TRPC4: variants seen among roughly 807,000 people sequenced by gnomAD.
The protein encoded by TRPC4 is transient receptor potential cation channel subfamily C member 4.
TRPC4 carries 49 observed loss-of-function variants against 99.4 expected under a neutral mutation model. The ratio of observed to expected loss-of-function variants is 0.49; its 90% CI spans 0.39 to 0.63. The LOEUF (loss-of-function observed/expected upper bound fraction) is 0.63. Among genes scored for constraint, TRPC4 ranks in the 20% least tolerant of loss-of-function variants. The probability of loss-of-function intolerance (pLI) is 0.00; values close to 1 mark genes in which losing one functional copy is unlikely to be tolerated. For missense variants in TRPC4, 898 were observed against 1,152.9 expected, an observed-to-expected ratio of 0.78 and a Z score of 3.20; for synonymous variants, 454 against 425.9, an observed-to-expected ratio of 1.07 and a Z score of -0.81.
At chr13:37,854,019 G>A (rs1472014366) in intron 1 of TRPC4, among the ~76,000 whole-genome samples, 1 of 151,980 alleles carries the variant, frequency 6.6e-6, no homozygotes, top group African/African-American at 2.4e-5. Context: ...ATATTCAAAG[G>A]GGTAATATCC....
rs1006673366 is a variant in TRPC4 at position 37,783,241 on chromosome 13, T to C, written c.93A>G (p.Pro31=). 1.9e-6 allele frequency: 3 copies of C among 1,613,596 alleles called. No individual in the cohort carries two copies. The highest frequency in any genetic ancestry group is 2.5e-6 in the Non-Finnish European group (3 of 1,179,782). Residue 31 remains proline, a synonymous_variant, in exon 2 of 11, where the codon CCA becomes CCG. Transcript: ENST00000379705. Reference sequence around the variant, plus strand: ...CAGCATTCAAGTAGGCTTTTTCTGATGGCGAGAGTTCTGATTCTGCTCTTA... The same window carrying C: ...CAGCATTCAAGTAGGCTTTTTCTGACGGCGAGAGTTCTGATTCTGCTCTTA... ...RIVRAESELS[P]SEKAYLNAVE...
chr13:37,756,953 T>C (rs1371048523), intron 2 of TRPC4, among the ~76,000 whole-genome samples: 3 of 152,070 alleles, frequency 2.0e-5, no homozygotes, highest in South Asian at 2.1e-4. Context: ...AATCAGGAGA[T>C]TTTAAATTTT....
chr13:37,743,144 C>G (rs2139142753), intron 3 of TRPC4, among the ~76,000 whole-genome samples: 1 of 152,142 alleles, frequency 6.6e-6, no homozygotes, highest in South Asian at 2.1e-4. Flanking sequence ...ATTGCTTGAA[C>G]CCAGGAGTTT....
intron 4 of TRPC4, among the ~76,000 whole-genome samples, chr13:37,676,449 T>A (rs1383990583): frequency 6.6e-6 from 1 of 151,364 alleles, no homozygotes; most frequent in Non-Finnish European, 1.5e-5. Context: ...CTCCGCCCAC[T>A]ACAATCTCCG....
chr13:37,679,438 ATTT>A (rs1365158409), intron 4 of TRPC4, among the ~76,000 whole-genome samples: 1 of 152,150 alleles, frequency 6.6e-6, no homozygotes, highest in Non-Finnish European at 1.5e-5. Flanking sequence ...GTAACTATAA[ATTT>A]TTTACATTTT....
chr13:37,796,968 A>AAAGTAAAGTAAAGTAAAGTAAAG (rs1957268174), intron 1 of TRPC4, among the ~76,000 whole-genome samples: 2 of 115,114 alleles, frequency 1.7e-5, no homozygotes, highest in Admixed American at 9.2e-5. Flanking sequence ...ATAAAATAAA[A>AAAGTAAAGTAAAGTAAAGTAAAG]TAAAGTAAAG....
rs571445760 is a variant in TRPC4 at position 37,861,122 on chromosome 13, A to T, written c.-28+8473T>A. Among the ~76,000 whole-genome samples the T allele has an allele frequency of 3.3e-5, 5 of 151,660 alleles. No homozygotes were observed. In the East Asian group the frequency reaches 7.7e-4, roughly 23 times the overall value. On this transcript the variant is annotated intron_variant, in intron 1 of 10. Transcript: ENST00000379705. The stretch of plus-strand genomic sequence containing the variant: ...ATTATAAGAAAGTAGATTATCTTTT[A>T]AAAAACTTCATTTAGATAAACTGAA...
At chr13:37,673,107 C>T (rs1308228508) in intron 5 of TRPC4, among the ~76,000 whole-genome samples, 7 of 123,552 alleles carry the variant, frequency 5.7e-5, no homozygotes, top group African/African-American at 1.2e-4. Flanking sequence ...CCCCCCACCC[C>T]GCGACAGGCC....
chr13:37,782,290 T>G (rs565411927), intron 2 of TRPC4, among the ~76,000 whole-genome samples: 1 of 152,214 alleles, frequency 6.6e-6, no homozygotes, highest in South Asian at 2.1e-4. Context: ...CACATTGTAT[T>G]TATAATTGTG....
In TRPC4 at chr13:37,699,337, CTT is replaced by C. The variant is rs536251877; in HGVS notation, c.898-7004_898-7003del. Among the ~76,000 whole-genome samples, 8 of 152,044 alleles carry C rather than the reference CTT, an allele frequency of 5.3e-5. No homozygotes were observed. The East Asian group carries it at 1.4e-3, about 26-fold the overall frequency. ...GTATGTGCATATACATATACAATCA[CTT>C]ATAGACATATATACACAAGTATGTA... is the stretch of plus-strand genomic sequence containing the variant. On this transcript the variant is annotated intron_variant, in intron 3 of 10. Coordinates refer to ENST00000379705, the MANE Select transcript of TRPC4 (RefSeq NM_016179.4).
intron 1 of TRPC4, among the ~76,000 whole-genome samples, chr13:37,814,626 C>A (rs1043168230): frequency 1.3e-5 from 2 of 151,730 alleles, no homozygotes; most frequent in Admixed American, 1.3e-4. Context: ...TGCATTCTTT[C>A]ACTTGTAGTG....
At chr13:37,752,705 T>C (rs568783848) in intron 2 of TRPC4, among the ~76,000 whole-genome samples, 1 of 152,130 alleles carries the variant, frequency 6.6e-6, no homozygotes, top group South Asian at 2.1e-4. Context: ...ATACAGAGAC[T>C]TAAATTCCCC....
rs1462957148 is a variant in TRPC4, at chr13:37,827,615, G to A, written c.-28+41980C>T. On this transcript the variant is annotated intron_variant, in intron 1 of 10. Coordinates refer to ENST00000379705, the MANE Select transcript of TRPC4 (RefSeq NM_016179.4). ...CAGGGGTCAGGGACCCACTTGAGGA[G>A]GCAGTCTGCCCATTCTCAGATCTCC... 3.3e-5 allele frequency among the ~76,000 whole-genome samples: 5 copies of A among 152,260 alleles called. No individual in the cohort carries two copies. In the South Asian group the frequency reaches 8.3e-4, roughly 25 times the overall value.
At chr13:37,755,687 C>T (rs1370069827) in intron 2 of TRPC4, among the ~76,000 whole-genome samples, 1 of 152,110 alleles carries the variant, frequency 6.6e-6, no homozygotes, top group Admixed American at 6.6e-5. Flanking sequence ...CAGGCGTGAG[C>T]CACTGCACCC....
chr13:37,726,694 A>G (rs994782553), intron 3 of TRPC4, among the ~76,000 whole-genome samples: 5 of 152,284 alleles, frequency 3.3e-5, no homozygotes, highest in Middle Eastern at 3.4e-3. Flanking sequence ...GCTCAACTAT[A>G]TGCTTTCTAC....
Position 37,692,054 on chromosome 13 carries a change from G to A in TRPC4, c.1179C>T (p.Asn393=). 1.2e-6 allele frequency: 2 copies of A among 1,613,894 alleles called. No individual in the cohort carries two copies. Among genetic ancestry groups the A allele is most frequent in the Non-Finnish European group, 8.5e-7 (1 of 1,179,882 alleles). ...ASQHIDRSDL[N]RQGPPPTIVE... is the part of the protein sequence containing the mutation. ...CGATGGTTGGTGGTGGACCTTGCCT[G>A]TTCAAGTCTGACCTGTCGATGTGCT... The change falls in exon 4 of 11, where the codon AAC becomes AAT. Residue 393 remains asparagine (N), a synonymous_variant. Transcript: ENST00000379705.
intron 3 of TRPC4, among the ~76,000 whole-genome samples, chr13:37,717,399 T>C (rs1954714621): frequency 6.6e-6 from 1 of 152,094 alleles, no homozygotes; most frequent in Non-Finnish European, 1.5e-5. Context: ...CAACATGAGT[T>C]TATTAGCAAC....
intron 7 of TRPC4, among the ~76,000 whole-genome samples, chr13:37,652,151 T>G (rs1952067669): frequency 6.6e-6 from 1 of 152,220 alleles, no homozygotes; most frequent in Non-Finnish European, 1.5e-5. Flanking sequence ...GAGGAAACTT[T>G]GGTACATTTG....
chr13:37,749,452 A>T (rs1392070244), intron 2 of TRPC4, among the ~76,000 whole-genome samples: 8 of 152,112 alleles, frequency 5.3e-5, no homozygotes, highest in African/African-American at 1.7e-4. Flanking sequence ...TCAGGAACTG[A>T]TTGTCTTAGC....
Sources: gnomAD v4.1 joint callset for allele counts (sites outside exome capture counted in the v4.1 genomes callset) on GRCh38, gnomAD v4.1.1 for gene constraint, MANE v1.5 for transcripts, NCBI Gene and HGNC (gene_info 2026-07-23, HGNC 2026-07-21) for gene names.